TMEM200A: variants seen among roughly 807,000 people sequenced by gnomAD.
TMEM200A encodes transmembrane protein 200A.
TMEM200A carries 12 observed loss-of-function variants against 24.3 expected under a neutral mutation model. The ratio of observed to expected loss-of-function variants is 0.49; its 90% CI spans 0.32 to 0.80. The LOEUF is 0.80. Among genes scored for constraint, TMEM200A ranks in the 30% least tolerant of loss-of-function variants. The probability of loss-of-function intolerance (pLI) is 0.04; values close to 1 mark genes in which losing one functional copy is unlikely to be tolerated. For synonymous variants in TMEM200A, 224 were observed against 224.4 expected (o/e 1.00, Z 0.02); for missense variants, 545 against 614.4 (o/e 0.89, Z 1.19).
chr6:130,421,613 T>C (rs574853931), intron 2 of TMEM200A, among the ~76,000 whole-genome samples: 1 of 152,152 alleles, frequency 6.6e-6, no homozygotes, highest in South Asian at 2.1e-4. Context: ...TTTAACTCTA[T>C]GTAGTCCCTT....
intron 1 of TMEM200A, among the ~76,000 whole-genome samples, chr6:130,371,811 C>T (rs1013743335): frequency 6.6e-6 from 1 of 152,166 alleles, no homozygotes; most frequent in African/African-American, 2.4e-5. Context: ...AACAGGAACT[C>T]TACCATCTGC....
At chr6:130,425,188 G>A (rs1251397086) in intron 2 of TMEM200A, among the ~76,000 whole-genome samples, 1 of 152,134 alleles carries the variant, frequency 6.6e-6, no homozygotes, top group African/African-American at 2.4e-5. Context: ...TGCTCAGCAA[G>A]TATCTATTGA....
chr6:130,375,786 A>G (rs1778442828), intron 1 of TMEM200A, among the ~76,000 whole-genome samples: 1 of 152,182 alleles, frequency 6.6e-6, no homozygotes, highest in Non-Finnish European at 1.5e-5. Flanking sequence ...GTTTGAGGTC[A>G]TTTATTAAAA....
intron 1 of TMEM200A, among the ~76,000 whole-genome samples, chr6:130,373,552 A>G (rs1778368508): frequency 6.9e-6 from 1 of 145,912 alleles, no homozygotes; most frequent in Non-Finnish European, 1.5e-5. Context: ...TTATGTGGAC[A>G]TATCATAATT....
intron 2 of TMEM200A, among the ~76,000 whole-genome samples, chr6:130,411,435 A>G (rs1478166025): frequency 6.6e-6 from 1 of 152,202 alleles, no homozygotes; most frequent in African/African-American, 2.4e-5. Flanking sequence ...TTCTTTACAT[A>G]ACTACAACAT....
At chr6:130,391,006 A>T (rs1010025940) in intron 2 of TMEM200A, among the ~76,000 whole-genome samples, 1 of 152,222 alleles carries the variant, frequency 6.6e-6, no homozygotes, top group Non-Finnish European at 1.5e-5. Context: ...AATTGTCTCC[A>T]GACATTGCCT....
intron 2 of TMEM200A, among the ~76,000 whole-genome samples, chr6:130,390,482 A>G (rs1170238056): frequency 1.3e-5 from 2 of 152,234 alleles, no homozygotes; most frequent in African/African-American, 4.8e-5. Flanking sequence ...TACAGAGTGA[A>G]ACTAGTACTG....
At position 130,441,747 on chromosome 6, in the gene TMEM200A, G is replaced by T; in HGVS notation, c.1325G>T (p.Arg442Met). Residue 442 changes from arginine to methionine, a missense_variant, in exon 3 of 3, where the codon AGG becomes ATG. Transcript: ENST00000296978. Reference protein sequence around the residue: ...KLENKEDPMDRLLVPQVAIKK... With the variant: ...KLENKEDPMDMLLVPQVAIKK... ...GAGAACAAAGAAGACCCGATGGATA[G>T]GTTGCTTGTGCCCCAAGTTGCCATC... is the stretch of plus-strand genomic sequence containing the variant. 6.2e-7 allele frequency: 1 copy of T among 1,614,036 alleles called. No homozygotes were observed. Among genetic ancestry groups the T allele is most frequent in the Non-Finnish European group, 8.5e-7 (1 of 1,179,984 alleles).
rs186730466 is a variant in TMEM200A, at chr6:130,398,860, G to A, written c.-17+13624G>A. On this transcript the variant is annotated intron_variant, in intron 2 of 2. Transcript: ENST00000296978. ...AATTCTTATTGCTATTTAGTGATTA[G>A]TTTACCATTTTCTTAGTTCCCAATT... Among the ~76,000 whole-genome samples the A allele has an allele frequency of 1.6e-3, 248 of 151,878 alleles. 2 individuals are homozygous for A. Among genetic ancestry groups the A allele is most frequent in the African/African-American group, 5.9e-3 (243 of 41,464 alleles).
chr6:130,433,246 C>T (rs914116593), intron 2 of TMEM200A, among the ~76,000 whole-genome samples: 2 of 151,352 alleles, frequency 1.3e-5, no homozygotes, highest in Admixed American at 1.3e-4. Flanking sequence ...AAGCGATTCT[C>T]CTGCCTCAGC....
At chr6:130,403,198 A>T (rs535664499) in intron 2 of TMEM200A, among the ~76,000 whole-genome samples, 1 of 152,128 alleles carries the variant, frequency 6.6e-6, no homozygotes, top group Admixed American at 6.6e-5. Context: ...AATGATCACT[A>T]ATTACTAAAT....
chr6:130,403,213 C>T (rs747216793), intron 2 of TMEM200A, among the ~76,000 whole-genome samples: 4 of 152,042 alleles, frequency 2.6e-5, no homozygotes, highest in Non-Finnish European at 5.9e-5. Context: ...CTAAATTGAA[C>T]TCTTTTGATA....
chr6:130,395,106 A>G (rs1778919355), intron 2 of TMEM200A, among the ~76,000 whole-genome samples: 1 of 152,110 alleles, frequency 6.6e-6, no homozygotes, highest in Admixed American at 6.5e-5. Flanking sequence ...TATTAGGTCT[A>G]CTCAATACCT....
intron 1 of TMEM200A, among the ~76,000 whole-genome samples, chr6:130,369,570 AG>A (rs1778267738): frequency 6.6e-6 from 1 of 152,192 alleles, no homozygotes; most frequent in African/African-American, 2.4e-5. Context: ...TCCTCCTCTA[AG>A]GTCCCCCTTT....
At chr6:130,394,578 A>G (rs560206687) in intron 2 of TMEM200A, among the ~76,000 whole-genome samples, 2 of 152,264 alleles carry the variant, frequency 1.3e-5, no homozygotes, top group Non-Finnish European at 2.9e-5. Context: ...GTGGGAGGAC[A>G]TTTTTTGGCA....
intron 2 of TMEM200A, among the ~76,000 whole-genome samples, chr6:130,413,519 C>G (rs189717470): frequency 6.6e-6 from 1 of 152,288 alleles, no homozygotes; most frequent in African/African-American, 2.4e-5. Flanking sequence ...GCCATCCCCC[C>G]CACTAGAGAT....
At chr6:130,404,316 T>C (rs1779157041) in intron 2 of TMEM200A, among the ~76,000 whole-genome samples, 1 of 152,162 alleles carries the variant, frequency 6.6e-6, no homozygotes, top group Non-Finnish European at 1.5e-5. Flanking sequence ...TGTTCCTTTT[T>C]CTCCACAATC....
At chr6:130,410,911 A>G (rs1046315393) in intron 2 of TMEM200A, among the ~76,000 whole-genome samples, 3 of 152,152 alleles carry the variant, frequency 2.0e-5, no homozygotes, top group Admixed American at 2.0e-4. Flanking sequence ...GCTCACGCCT[A>G]TAATCCCAGC....
intron 2 of TMEM200A, among the ~76,000 whole-genome samples, chr6:130,414,478 A>G (rs1378313380): frequency 6.6e-6 from 1 of 151,678 alleles, no homozygotes; most frequent in East Asian, 1.9e-4. Context: ...AATATTAGGT[A>G]TATGAAACAC....
Sources: gnomAD v4.1 joint callset for allele counts (sites outside exome capture counted in the v4.1 genomes callset) on GRCh38, gnomAD v4.1.1 for gene constraint, MANE v1.5 for transcripts, NCBI Gene and HGNC (gene_info 2026-07-23, HGNC 2026-07-21) for gene names.